TNRC6B: variants seen among roughly 807,000 people sequenced by gnomAD.
TNRC6B encodes the protein trinucleotide repeat containing adaptor 6B.
In TNRC6B, 52 loss-of-function variants were observed where a neutral mutation model predicts 203.6. The ratio of observed to expected loss-of-function variants is 0.26; its 90% CI spans 0.20 to 0.32. TNRC6B has a LOEUF of 0.32. Ranked by LOEUF, TNRC6B falls within the 10% of genes least tolerant of loss-of-function variation. The pLI is 1.00. For synonymous variants in TNRC6B, 838 were observed against 845.7 expected (o/e 0.99, Z 0.16); for missense variants, 1,923 against 2,286.2 (o/e 0.84, Z 3.24).
chr22:40,146,561 ATTTT>A (rs59901929), intron 3 of TNRC6B, among the ~76,000 whole-genome samples: 95 of 109,212 alleles, frequency 8.7e-4, no homozygotes, highest in African/African-American at 3.1e-3. Flanking sequence ...CGCCCGGCTA[ATTTT>A]TTTTTTTTTT....
chr22:40,146,117 T>C (rs732383), intron 3 of TNRC6B, among the ~76,000 whole-genome samples: 28,212 of 152,124 alleles, frequency 0.19, 3,386 homozygotes, highest in Admixed American at 0.33. Flanking sequence ...AAAGGGAAAG[T>C]CGGCACATCC....
At chr22:40,139,546 G>A (rs1355782658) in intron 3 of TNRC6B, among the ~76,000 whole-genome samples, 1 of 151,994 alleles carries the variant, frequency 6.6e-6, no homozygotes, top group African/African-American at 2.4e-5. Context: ...TGGCCAGGCT[G>A]GTCTCGAACT....
chr22:40,265,353 A>G lies in TNRC6B; in HGVS notation c.1123A>G (p.Asn375Asp), dbSNP rs753581052. The change falls in exon 5 of 23, where the codon AAT becomes GAT. Residue 375 changes from asparagine (N) to aspartate (D), a missense_variant. By Grantham distance (23) the Asn-to-Asp change is conservative. This residue lies in a region of TNRC6B where 614 missense variants were observed against 587.7 expected (regional missense o/e 1.04). Coordinates refer to ENST00000454349, the MANE Select transcript of TNRC6B (RefSeq NM_001162501.2). Reference sequence around the variant, plus strand: ...AATTCATAACACTGATGGACCAAAAAATGGAAACACTAACTCCTTGAACTT... The same window carrying G: ...AATTCATAACACTGATGGACCAAAAGATGGAAACACTAACTCCTTGAACTT... ...AQIHNTDGPK[N>D]GNTNSLNLSS... 4.6e-5 allele frequency: 74 copies of G among 1,613,868 alleles called. No individual in the cohort carries two copies. Among genetic ancestry groups the G allele is most frequent in the Non-Finnish European group, 6.1e-5 (72 of 1,179,898 alleles).
At chr22:40,101,235 G>A (rs1177411599) in intron 1 of TNRC6B, among the ~76,000 whole-genome samples, 7 of 151,976 alleles carry the variant, frequency 4.6e-5, no homozygotes, top group Non-Finnish European at 7.4e-5. Flanking sequence ...CTTGTGATCC[G>A]CCCACCTCGG....
At chr22:40,155,566 C>T (rs1288382522) in intron 3 of TNRC6B, among the ~76,000 whole-genome samples, 2 of 151,948 alleles carry the variant, frequency 1.3e-5, no homozygotes, top group Non-Finnish European at 2.9e-5. Flanking sequence ...GGATTACAGG[C>T]GTGAGCCACC....
At chr22:40,199,097 G>A (rs190074425) in intron 1 of TNRC6B, among the ~76,000 whole-genome samples, 11 of 152,156 alleles carry the variant, frequency 7.2e-5, no homozygotes, top group East Asian at 1.9e-4. Flanking sequence ...AGTTTGAAGC[G>A]GTTCCCACTG....
chr22:40,124,321 C>CTT (rs545893898), intron 2 of TNRC6B, among the ~76,000 whole-genome samples: 5,617 of 133,970 alleles, frequency 0.042, 473 homozygotes, highest in African/African-American at 0.15. Context: ...ATCTTTTTAC[C>CTT]TTTTTTTTTT....
intron 12 of TNRC6B, among the ~76,000 whole-genome samples, chr22:40,292,159 G>T (rs571726122): frequency 8.6e-5 from 13 of 151,354 alleles, no homozygotes; most frequent in African/African-American, 3.2e-4. Flanking sequence ...GTGCCACTGC[G>T]CTCCAGCTTG....
chr22:40,075,931 C>T (rs945033240), intron 1 of TNRC6B, among the ~76,000 whole-genome samples: 5 of 152,132 alleles, frequency 3.3e-5, no homozygotes, highest in African/African-American at 7.2e-5. Context: ...CATTTTACTT[C>T]GACATGTTAA....
rs2069082713 is a variant in TNRC6B at position 40,177,945 on chromosome 22, A to C, written c.-191A>C. 2.9e-6 allele frequency: 4 copies of C among 1,386,372 alleles called. No individual in the cohort carries two copies. The highest frequency in any genetic ancestry group is 3.3e-5 in the Admixed American group (1 of 29,968). 85.9% of individuals were successfully genotyped at this position (1,386,372 alleles called of 1,614,324 possible). A position where few individuals can be genotyped will look rare whatever the true frequency, so the allele number is the denominator to read the frequency against. On this transcript the variant is annotated 5_prime_UTR_variant, in exon 1 of 23. Coordinates refer to ENST00000454349, the MANE Select transcript of TNRC6B (RefSeq NM_001162501.2). ...CCTTTAGAGACAGAGAGGGAGAGAG[A>C]GAGCAAGAGGGAGAGTGTGTGAGAG...
chr22:40,261,272 C>A (rs887441889), intron 3 of TNRC6B, among the ~76,000 whole-genome samples: 5 of 150,872 alleles, frequency 3.3e-5, no homozygotes, highest in African/African-American at 9.8e-5. Flanking sequence ...TACAGCAAGA[C>A]CTCATCTCAA....
intron 4 of TNRC6B, among the ~76,000 whole-genome samples, chr22:40,163,745 G>A (rs2068893224): frequency 6.6e-6 from 1 of 151,958 alleles, no homozygotes; most frequent in African/African-American, 2.4e-5. Context: ...TGGGCAACAA[G>A]AGCGAAACTC....
intron 1 of TNRC6B, among the ~76,000 whole-genome samples, chr22:40,182,220 G>A (rs2069141460): frequency 6.6e-6 from 1 of 151,878 alleles, no homozygotes; most frequent in African/African-American, 2.4e-5. Context: ...ACTCCATCCT[G>A]GGCAGTACAG....
intron 1 of TNRC6B, among the ~76,000 whole-genome samples, chr22:40,196,683 C>G (rs1245242204): frequency 6.7e-6 from 1 of 150,360 alleles, no homozygotes; most frequent in African/African-American, 2.5e-5. Flanking sequence ...TCTGGTTTCC[C>G]TTTGTTTGGG....
At chr22:40,253,028 G>C (rs1477242167) in intron 3 of TNRC6B, among the ~76,000 whole-genome samples, 1 of 152,084 alleles carries the variant, frequency 6.6e-6, no homozygotes, top group Non-Finnish European at 1.5e-5. Flanking sequence ...CTGTAGAACT[G>C]AGCTCCTCTG....
chr22:40,322,756 A>G, intron 22 of TNRC6B, 98 bp from the exon 23 acceptor site: 3 of 1,425,558 alleles, frequency 2.1e-6, no homozygotes, highest in Non-Finnish European at 2.9e-6. Context: ...CTTCTAGTCA[A>G]AGGACTGCAC....
chr22:40,275,859 T>C (rs1300724570), intron 7 of TNRC6B, among the ~76,000 whole-genome samples: 1 of 151,710 alleles, frequency 6.6e-6, no homozygotes, highest in Non-Finnish European at 1.5e-5. Context: ...CTTGGGAGGA[T>C]GAGGCAGGAG....
At chr22:40,281,051 C>G (rs538894397) in intron 10 of TNRC6B, 68 bp from the exon 11 acceptor site, 1 of 1,308,108 alleles carries the variant, frequency 7.6e-7, no homozygotes, top group South Asian at 1.6e-5. Context: ...CTCTCTTTTC[C>G]CTTCTTGCAT....
chr22:40,172,071 G>C (rs1044994491), intron 4 of TNRC6B, among the ~76,000 whole-genome samples: 1 of 151,814 alleles, frequency 6.6e-6, no homozygotes, highest in African/African-American at 2.4e-5. Context: ...TAGAGATGGG[G>C]GTTTCACCAT....
Sources: gnomAD v4.1 joint callset for allele counts (sites outside exome capture counted in the v4.1 genomes callset) on GRCh38, gnomAD v4.1.1 for gene constraint, gnomAD v4.1.1 regional missense constraint, MANE v1.5 for transcripts, NCBI Gene and HGNC (gene_info 2026-07-23, HGNC 2026-07-21) for gene names.